CRKL: variants seen among roughly 807,000 people sequenced by gnomAD.
The protein encoded by CRKL is CRK like proto-oncogene, adaptor protein, also known as crk-like protein.
A neutral mutation model predicts 23.0 loss-of-function variants in CRKL; 3 were observed. The ratio of observed to expected loss-of-function variants is 0.13; its 90% confidence interval spans 0.06 to 0.34. The LOEUF (loss-of-function observed/expected upper bound fraction) is 0.34, where lower values mean the gene tolerates loss of function less well. Among genes scored for constraint, CRKL ranks in the 10% least tolerant of loss-of-function variants. CRKL has a pLI of 1.00. For synonymous variants in CRKL, 188 were observed against 160.7 expected, an observed-to-expected ratio of 1.17 and a Z score of -1.28; for missense variants, 256 against 394.5, an observed-to-expected ratio of 0.65 and a Z score of 2.97.
chr22:20,934,104 A>G lies in CRKL; in HGVS notation c.637A>G (p.Thr213Ala), dbSNP rs1363256176. ...PAHAYAQPQT[T>A]TPLPAVSGSP... ...TCATGCATACGCTCAACCTCAGACC[A>G]CAACTCCTCTACCTGCAGTTTCCGG... is the stretch of plus-strand genomic sequence containing the variant. The change falls in exon 2 of 3, where the codon ACA becomes GCA. Residue 213 changes from threonine (T) to alanine (A), a missense_variant. By Grantham distance (58) the Thr-to-Ala change is moderately conservative. Around this residue, in one of 3 missense-constraint regions of CRKL, gnomAD observed 129 missense variants for 222.1 expected, o/e 0.58. Transcript: ENST00000354336. The G allele has an allele frequency of 5.0e-6, 8 of 1,614,050 alleles. No homozygotes were observed. Among genetic ancestry groups the G allele is most frequent in the Non-Finnish European group, 6.8e-6 (8 of 1,180,046 alleles).
At chr22:20,937,725 C>T (rs1172824704) in intron 2 of CRKL, among the ~76,000 whole-genome samples, 3 of 151,890 alleles carry the variant, frequency 2.0e-5, no homozygotes, top group African/African-American at 7.3e-5. Context: ...TGACACTAAC[C>T]CAGCCAGCTG....
At chr22:20,928,577 C>T (rs1241932786) in intron 1 of CRKL, among the ~76,000 whole-genome samples, 1 of 152,072 alleles carries the variant, frequency 6.6e-6, no homozygotes, top group African/African-American at 2.4e-5. Flanking sequence ...CTTTGGGAGG[C>T]TGAGGTGGGA....
At chr22:20,922,213 A>C (rs1235189709) in intron 1 of CRKL, among the ~76,000 whole-genome samples, 2 of 150,844 alleles carry the variant, frequency 1.3e-5, no homozygotes, top group Non-Finnish European at 3.0e-5. Context: ...AGTAGAGACA[A>C]GGTTTCACCA....
At chr22:20,918,406 C>G (rs1374357198) in intron 1 of CRKL, among the ~76,000 whole-genome samples, 161 bp downstream of exon 1, 3 of 144,386 alleles carry the variant, frequency 2.1e-5, no homozygotes, top group Non-Finnish European at 3.0e-5. Context: ...GTGTCAGGAT[C>G]TGGGTCACTG....
rs1569129935 is a variant in CRKL at position 20,917,964 on chromosome 22, C to T, written c.30C>T (p.Asp10=). ...CCTCCGCCAGGTTCGACTCCTCGGACCGCTCCGCCTGGTATATGGGGCCGG... is the reference window on the plus strand; with the variant it reads ...CCTCCGCCAGGTTCGACTCCTCGGATCGCTCCGCCTGGTATATGGGGCCGG... MSSARFDSS[D]RSAWYMGPVS... The change falls in exon 1 of 3, where the codon GAC becomes GAT. Residue 10 remains aspartate, a synonymous_variant. Coordinates refer to ENST00000354336, the MANE Select transcript of CRKL (RefSeq NM_005207.4). The T allele has an allele frequency of 1.9e-6, 3 of 1,613,958 alleles. No individual in the cohort carries two copies. Among genetic ancestry groups the T allele is most frequent in the Admixed American group, 3.3e-5 (2 of 59,994 alleles).
At chr22:20,924,721 G>A (rs893012070) in intron 1 of CRKL, among the ~76,000 whole-genome samples, 4 of 152,070 alleles carry the variant, frequency 2.6e-5, no homozygotes, top group Non-Finnish European at 4.4e-5. Flanking sequence ...TGGGCATGGC[G>A]GCGTGTGCCT....
rs1185492516 is a variant in CRKL at position 20,950,787 on chromosome 22, C to G, written c.*942C>G. 1.3e-5 allele frequency: 3 copies of G among 227,456 alleles called. No homozygotes were observed. In the Admixed American group the frequency reaches 1.7e-4, roughly 13 times the overall value. The allele number at this position is 227,456 out of a possible 1,614,324, so 14.1% of individuals were successfully genotyped here. On this transcript the variant is annotated 3_prime_UTR_variant, in exon 3 of 3. Coordinates refer to ENST00000354336, the MANE Select transcript of CRKL (RefSeq NM_005207.4). ...ATAGTGCAAGGAATGACTCATGCCT[C>G]TGAGCTTCTAAACTGAAGCTGCTGT...
Position 20,950,376 on chromosome 22 carries a change from A to G in CRKL, c.*531A>G, listed in dbSNP as rs1922224815. On this transcript the variant is annotated 3_prime_UTR_variant, in exon 3 of 3. Transcript: ENST00000354336. Reference sequence around the variant, plus strand: ...TTTGGTTTTGGAAAACTAATTAATTAGACTTGTGTGGGGGTTTTTTTTTGT... The same window carrying G: ...TTTGGTTTTGGAAAACTAATTAATTGGACTTGTGTGGGGGTTTTTTTTTGT... 4.3e-6 allele frequency: 1 copy of G among 232,412 alleles called. No homozygotes were observed. The highest frequency in any genetic ancestry group is 8.5e-6 in the Non-Finnish European group (1 of 117,942). 14.4% of individuals were successfully genotyped at this position (232,412 alleles called of 1,614,324 possible). A position where few individuals can be genotyped will look rare whatever the true frequency, so the allele number is the denominator to read the frequency against.
chr22:20,940,950 G>A (rs1569136734), intron 2 of CRKL, among the ~76,000 whole-genome samples: 1 of 151,950 alleles, frequency 6.6e-6, no homozygotes, highest in Non-Finnish European at 1.5e-5. Context: ...GTAAGTTTAG[G>A]TTTCATTAAT....
At chr22:20,919,123 A>C (rs962888323) in intron 1 of CRKL, among the ~76,000 whole-genome samples, 3 of 152,004 alleles carry the variant, frequency 2.0e-5, no homozygotes, top group Non-Finnish European at 4.4e-5. Context: ...GTTTAGAAAC[A>C]AAAAAACCTT....
rs6005034 is a variant in CRKL at position 20,953,109 on chromosome 22, A to T, written c.*3264A>T. 1 of 231,822 alleles carries T rather than the reference A, an allele frequency of 4.3e-6. No individual in the cohort carries two copies. Among genetic ancestry groups the T allele is most frequent in the Non-Finnish European group, 8.5e-6 (1 of 117,036 alleles). The allele number at this position is 231,822 out of a possible 1,614,324, so 14.4% of individuals were successfully genotyped here. ...ATGAACATTTTATTTTTGAAAAGGG[A>T]TGATGTGGTTTTTTGCCAGGTGTTT... On this transcript the variant is annotated 3_prime_UTR_variant, in exon 3 of 3. Coordinates refer to ENST00000354336, the MANE Select transcript of CRKL (RefSeq NM_005207.4).
At chr22:20,939,233 CTTTTTTTTTT>C (rs140538861) in intron 2 of CRKL, among the ~76,000 whole-genome samples, 69 of 75,150 alleles carry the variant, frequency 9.2e-4, no homozygotes, top group Middle Eastern at 0.019. Context: ...ACATAAGTTG[CTTTTTTTTTT>C]TTTTTTTTTT....
In CRKL at chr22:20,927,513, C is replaced by CGTTT. The variant is rs71186694; in HGVS notation, c.312-6266_312-6265insGTTT. ...GCCCAGCTGGAATTAAGTTTTCTAC[C>CGTTT]TTTTTTTTTTTTTTTTTAACTGTGA... is the stretch of plus-strand genomic sequence containing the variant. On this transcript the variant is annotated intron_variant, in intron 1 of 2. Coordinates refer to ENST00000354336, the MANE Select transcript of CRKL (RefSeq NM_005207.4). 2.0e-3 allele frequency among the ~76,000 whole-genome samples: 277 copies of CGTTT among 139,888 alleles called. 17 individuals are homozygous for CGTTT. The East Asian group carries it at 0.021, about 10-fold the overall frequency. The allele number at this position is 139,888 out of a possible 152,430, so 91.8% of individuals were successfully genotyped here. A position where few individuals can be genotyped will look rare whatever the true frequency, so the allele number is the denominator to read the frequency against.
chr22:20,939,447 C>T (rs900327450), intron 2 of CRKL, among the ~76,000 whole-genome samples: 6 of 151,794 alleles, frequency 4.0e-5, no homozygotes, highest in African/African-American at 9.7e-5. Context: ...GGGGCTTCAC[C>T]GTGTTAGCCA....
chr22:20,927,419 T>C (rs1429336557), intron 1 of CRKL, among the ~76,000 whole-genome samples: 1 of 149,400 alleles, frequency 6.7e-6, no homozygotes, highest in Non-Finnish European at 1.5e-5. Context: ...CTCAAACTCC[T>C]GACCTCAGGT....
intron 2 of CRKL, among the ~76,000 whole-genome samples, chr22:20,936,716 T>C (rs1921672033): frequency 6.6e-6 from 1 of 152,040 alleles, no homozygotes; most frequent in Admixed American, 6.6e-5. Flanking sequence ...TGTTTCAATG[T>C]TTGATTTTTT....
At chr22:20,918,915 T>A (rs1929789855) in intron 1 of CRKL, among the ~76,000 whole-genome samples, 1 of 151,836 alleles carries the variant, frequency 6.6e-6, no homozygotes, top group Admixed American at 6.6e-5. Context: ...GCCATAGACT[T>A]CTTTGAGAAT....
At chr22:20,934,295 TTTTTAG>T (rs770516026) in intron 2 of CRKL, 51 bp downstream of exon 2, 11 of 1,484,406 alleles carry the variant, frequency 7.4e-6, no homozygotes, top group Admixed American at 4.1e-5. Flanking sequence ...TTGGTTTTAA[TTTTTAG>T]TTTTAGTTTA....
At chr22:20,927,342 C>G (rs1460368595) in intron 1 of CRKL, among the ~76,000 whole-genome samples, 2 of 148,856 alleles carry the variant, frequency 1.3e-5, no homozygotes, top group Non-Finnish European at 3.0e-5. Context: ...AGGCGCCCAC[C>G]ACCATGCCCG....
Sources: allele counts gnomAD v4.1 joint callset (sites outside exome capture counted in the v4.1 genomes callset), GRCh38; gene constraint gnomAD v4.1.1; regional missense constraint gnomAD v4.1.1; transcripts MANE v1.5; gene names NCBI Gene and HGNC (gene_info 2026-07-23, HGNC 2026-07-21).